The following EMCN variants were observed in gnomAD, a reference collection of about 807,000 sequenced individuals.
EMCN encodes the protein endomucin, also known as MUC-14.
EMCN carries 37 observed loss-of-function variants against 38.4 expected under a neutral mutation model. That is an observed-to-expected ratio of 0.96 (90% CI 0.74 to 1.27). The LOEUF (loss-of-function observed/expected upper bound fraction) is 1.27. Among genes scored for constraint, EMCN ranks in the 50% most tolerant of loss-of-function variants. The pLI, the probability that EMCN is intolerant of heterozygous loss-of-function variation, is 0.00. For synonymous variants in EMCN, 95 were observed against 100.8 expected, an observed-to-expected ratio of 0.94 and a Z score of 0.35; for missense variants, 318 against 302.8, an observed-to-expected ratio of 1.05 and a Z score of -0.37.
chr4:100,434,336 C>T, intron 5 of EMCN, among the ~76,000 whole-genome samples: 1 of 131,434 alleles, frequency 7.6e-6, no homozygotes, highest in East Asian at 2.0e-4. Context: ...CCTGAATAGA[C>T]CAAAAATGAG....
At chr4:100,462,605 G>A (rs1469973796) in intron 4 of EMCN, among the ~76,000 whole-genome samples, 1 of 151,944 alleles carries the variant, frequency 6.6e-6, no homozygotes, top group South Asian at 2.1e-4. Context: ...TATTATAGGG[G>A]CCATCATATT....
chr4:100,481,661 G>C (rs958071319), intron 1 of EMCN, among the ~76,000 whole-genome samples: 1 of 151,944 alleles, frequency 6.6e-6, no homozygotes, highest in Non-Finnish European at 1.5e-5. Context: ...TTTTGTTTTA[G>C]CCTTAACTTC....
rs1726151372 is a variant in EMCN, at chr4:100,397,643, A to G, written c.*770T>C. ...CACATAGTATGAATGACAAATAGAA[A>G]GACCAAAGAACTGATAAATTACTCT... On this transcript the variant is annotated 3_prime_UTR_variant, in exon 12 of 12. Coordinates refer to ENST00000296420, the MANE Select transcript of EMCN (RefSeq NM_016242.4). 6.6e-6 allele frequency: 1 copy of G among 152,148 alleles called. No homozygotes were observed. Among genetic ancestry groups the G allele is most frequent in the Non-Finnish European group, 1.5e-5 (1 of 68,024 alleles). 9.4% of individuals were successfully genotyped at this position (152,148 alleles called of 1,614,324 possible). A position where few individuals can be genotyped will look rare whatever the true frequency, so the allele number is the denominator to read the frequency against.
At chr4:100,487,498 T>TCGG (rs1181525758) in intron 1 of EMCN, among the ~76,000 whole-genome samples, 1 of 152,200 alleles carries the variant, frequency 6.6e-6, no homozygotes, top group East Asian at 1.9e-4. Flanking sequence ...AATTAAATCT[T>TCGG]CGGCTTTTGA....
chr4:100,505,723 C>A (rs1433936288), intron 1 of EMCN, among the ~76,000 whole-genome samples: 3 of 152,082 alleles, frequency 2.0e-5, no homozygotes, highest in African/African-American at 7.2e-5. Context: ...TTCATTCATC[C>A]TCTCACTCCT....
chr4:100,426,129 G>C (rs1416686129), intron 5 of EMCN, among the ~76,000 whole-genome samples: 1 of 152,076 alleles, frequency 6.6e-6, no homozygotes, highest in African/African-American at 2.4e-5. Context: ...ATAAATCATT[G>C]AGAGTTTTAA....
At chr4:100,449,988 A>C (rs975263469) in intron 4 of EMCN, among the ~76,000 whole-genome samples, 2 of 152,032 alleles carry the variant, frequency 1.3e-5, no homozygotes, top group Non-Finnish European at 2.9e-5. Context: ...ATTTGGACTC[A>C]GTTCTGTGGA....
At chr4:100,511,043 T>G (rs1012929592) in intron 1 of EMCN, among the ~76,000 whole-genome samples, 1 of 152,222 alleles carries the variant, frequency 6.6e-6, no homozygotes, top group Non-Finnish European at 1.5e-5. Context: ...TAGTCTTAGT[T>G]GTCAGTTTAG....
At chr4:100,465,727 G>T (rs1728298037) in intron 3 of EMCN, among the ~76,000 whole-genome samples, 188 bp from the exon 4 acceptor site, 1 of 152,146 alleles carries the variant, frequency 6.6e-6, no homozygotes, top group Non-Finnish European at 1.5e-5. Context: ...AATGTGGAGG[G>T]ACATTAACTT....
chr4:100,511,021 T>A (rs1458067925), intron 1 of EMCN, among the ~76,000 whole-genome samples: 1 of 152,194 alleles, frequency 6.6e-6, no homozygotes, highest in African/African-American at 2.4e-5. Context: ...TAAAAATTCA[T>A]TTATGGCATT....
At chr4:100,477,944 A>C (rs956162570) in intron 2 of EMCN, among the ~76,000 whole-genome samples, 7 of 152,308 alleles carry the variant, frequency 4.6e-5, no homozygotes, top group African/African-American at 1.7e-4. Context: ...ATAATTCTTA[A>C]GATAAATTCT....
intron 1 of EMCN, among the ~76,000 whole-genome samples, chr4:100,517,397 A>G (rs1560650173): frequency 6.6e-6 from 1 of 152,056 alleles, no homozygotes; most frequent in Non-Finnish European, 1.5e-5. Flanking sequence ...CAACTCCTCA[A>G]TTTATCAGAG....
intron 4 of EMCN, among the ~76,000 whole-genome samples, chr4:100,464,259 A>G (rs1425309535): frequency 1.3e-5 from 2 of 152,022 alleles, no homozygotes; most frequent in Non-Finnish European, 1.5e-5. Context: ...ATCCTGTGCT[A>G]CAAACCGCTC....
intron 1 of EMCN, among the ~76,000 whole-genome samples, chr4:100,496,230 A>G (rs904804402): frequency 3.9e-5 from 6 of 152,070 alleles, no homozygotes; most frequent in Admixed American, 6.5e-5. Flanking sequence ...TGAAAATACT[A>G]CTCTTCCTAT....
intron 11 of EMCN, among the ~76,000 whole-genome samples, chr4:100,399,108 A>G (rs1171525705): frequency 6.6e-6 from 1 of 152,226 alleles, no homozygotes; most frequent in Non-Finnish European, 1.5e-5. Context: ...GAATGAATGA[A>G]TACCATTTGC....
intron 1 of EMCN, among the ~76,000 whole-genome samples, chr4:100,500,907 C>G (rs567352550): frequency 6.6e-6 from 1 of 151,832 alleles, no homozygotes; most frequent in Non-Finnish European, 1.5e-5. Context: ...AATTTTTTGA[C>G]TGGGTTGTTT....
At chr4:100,461,201 C>T (rs1201871604) in intron 4 of EMCN, among the ~76,000 whole-genome samples, 2 of 152,122 alleles carry the variant, frequency 1.3e-5, no homozygotes, top group Admixed American at 6.6e-5. Flanking sequence ...AATTCTCTCC[C>T]AGATATCCAT....
Position 100,479,953 on chromosome 4 carries a change from T to C in EMCN, c.151A>G (p.Asn51Asp), listed in dbSNP as rs1349887621. 1.9e-6 allele frequency: 3 copies of C among 1,609,852 alleles called. No homozygotes were observed. Among genetic ancestry groups the C allele is most frequent in the African/African-American group, 2.7e-5 (2 of 74,606 alleles). ...GTTCCAGTTGTTGGTGTGACAACAT[T>C]TTTCTGTAATGATTCTGTGTTTGGT... ...TTPNTESLQK[N>D]VVTPTTGTTP... Residue 51 changes from asparagine (N) to aspartate (D), a missense_variant, in exon 2 of 12, where the codon AAT becomes GAT. By Grantham distance (23) the Asn-to-Asp change is conservative. Transcript: ENST00000296420.
intron 4 of EMCN, among the ~76,000 whole-genome samples, chr4:100,449,538 G>A (rs1727780420): frequency 6.6e-6 from 1 of 152,034 alleles, no homozygotes; most frequent in Non-Finnish European, 1.5e-5. Flanking sequence ...TGCTGCATTT[G>A]AAAGATACAA....
Sources: gnomAD v4.1 joint callset for allele counts (sites outside exome capture counted in the v4.1 genomes callset) on GRCh38, gnomAD v4.1.1 for gene constraint, MANE v1.5 for transcripts, NCBI Gene and HGNC (gene_info 2026-07-23, HGNC 2026-07-21) for gene names.